RNF125: variants seen among roughly 807,000 people sequenced by gnomAD.
RNF125 encodes the protein ring finger protein 125.
A neutral mutation model predicts 26.0 loss-of-function variants in RNF125; 21 were observed. The ratio of observed to expected loss-of-function variants is 0.81; its 90% CI spans 0.57 to 1.16. RNF125 has a LOEUF of 1.16. RNF125 is among the 50% of genes most tolerant of loss of function. The probability of loss-of-function intolerance (pLI) is 0.00; values close to 1 mark genes in which losing one functional copy is unlikely to be tolerated. For missense variants in RNF125, 270 were observed against 299.4 expected, an observed-to-expected ratio of 0.90 and a Z score of 0.72; for synonymous variants, 95 against 109.2, an observed-to-expected ratio of 0.87 and a Z score of 0.81.
intron 1 of RNF125, among the ~76,000 whole-genome samples, chr18:32,035,453 T>C (rs2039143567): frequency 1.3e-5 from 2 of 152,128 alleles, no homozygotes; most frequent in Admixed American, 6.6e-5. Flanking sequence ...GTTTGGAAAA[T>C]AGCTGTGCCT....
At chr18:32,062,481 C>T (rs2039443929) in intron 4 of RNF125, among the ~76,000 whole-genome samples, 1 of 151,858 alleles carries the variant, frequency 6.6e-6, no homozygotes, top group Non-Finnish European at 1.5e-5. Context: ...TATAATTCAA[C>T]AATAATTAAT....
At position 32,070,612 on chromosome 18, in the gene RNF125, C is replaced by T. The variant is rs1349248804; in HGVS notation, c.*2228C>T. 6.6e-6 allele frequency: 1 copy of T among 152,170 alleles called. No individual in the cohort carries two copies. Among genetic ancestry groups the T allele is most frequent in the African/African-American group, 2.4e-5 (1 of 41,440 alleles). 9.4% of individuals were successfully genotyped at this position (152,170 alleles called of 1,614,324 possible). On this transcript the variant is annotated 3_prime_UTR_variant, in exon 6 of 6. Transcript: ENST00000217740. ...TCTTTTATTTATCTTACACTTACAG[C>T]TGTCTCAGAATAACAATAGAAATAC... is the stretch of plus-strand genomic sequence containing the variant.
chr18:32,022,356 T>C (rs1367816508), intron 1 of RNF125, among the ~76,000 whole-genome samples: 1 of 152,224 alleles, frequency 6.6e-6, no homozygotes, highest in South Asian at 2.1e-4. Flanking sequence ...CCTCTGCCAC[T>C]AGCCAGATGT....
At chr18:32,066,192 G>A (rs549098741) in intron 5 of RNF125, 183 bp downstream of exon 5, 20 of 410,720 alleles carry the variant, frequency 4.9e-5, no homozygotes, top group East Asian at 3.5e-4. Context: ...GCTCACGCCT[G>A]TAATCCCAAC....
At chr18:32,064,269 GC>G (rs1182312481) in intron 4 of RNF125, among the ~76,000 whole-genome samples, 1 of 152,042 alleles carries the variant, frequency 6.6e-6, no homozygotes, top group African/African-American at 2.4e-5. Flanking sequence ...ACAGGCATGA[GC>G]CACGGCGCCC....
chr18:32,082,713 T>C, the RNF125 span, among the ~76,000 whole-genome samples: 1 of 152,178 alleles, frequency 6.6e-6, no homozygotes, highest in Non-Finnish European at 1.5e-5. Context: ...ATTTCCCCTA[T>C]AATGAAAATG....
At chr18:32,066,458 C>CAA (rs34052446) in intron 5 of RNF125, among the ~76,000 whole-genome samples, 24 of 115,430 alleles carry the variant, frequency 2.1e-4, no homozygotes, top group African/African-American at 7.0e-4. Flanking sequence ...GACTTTGTCT[C>CAA]AAAAAAAAAA....
At chr18:32,049,458 T>C (rs1033018503) in intron 4 of RNF125, among the ~76,000 whole-genome samples, 1 of 152,134 alleles carries the variant, frequency 6.6e-6, no homozygotes, top group African/African-American at 2.4e-5. Context: ...ACTCCATTAA[T>C]AGAAGAGGGT....
intron 4 of RNF125, among the ~76,000 whole-genome samples, chr18:32,048,466 A>AAT (rs1448981459): frequency 6.6e-6 from 1 of 151,810 alleles, no homozygotes; most frequent in Non-Finnish European, 1.5e-5. Flanking sequence ...CTGTCTCAAA[A>AAT]AAAAAGAGAG....
chr18:32,046,881 TTAAGC>T (rs1320250445), intron 4 of RNF125, among the ~76,000 whole-genome samples: 1 of 152,084 alleles, frequency 6.6e-6, no homozygotes, highest in Non-Finnish European at 1.5e-5. Context: ...CATTGTTTAC[TTAAGC>T]TATTTTATTT....
intron 1 of RNF125, among the ~76,000 whole-genome samples, chr18:32,023,435 G>A (rs532780442): frequency 2.6e-5 from 4 of 152,258 alleles, no homozygotes; most frequent in Admixed American, 6.5e-5. Context: ...TTACAGGAGT[G>A]AGCCACTGCA....
chr18:32,060,746 AAAG>A (rs1187786205), intron 4 of RNF125, among the ~76,000 whole-genome samples: 2 of 152,192 alleles, frequency 1.3e-5, no homozygotes, highest in Non-Finnish European at 2.9e-5. Flanking sequence ...TTAAGAAACA[AAAG>A]AAGTTTTTCC....
At chr18:32,083,217 T>G in the RNF125 span, among the ~76,000 whole-genome samples, 749 of 152,352 alleles carry the variant, frequency 4.9e-3, 5 homozygotes, top group African/African-American at 0.017. Context: ...ATTTCTTATT[T>G]GGTCTAAGGT....
At chr18:32,087,955 C>T in the RNF125 span, among the ~76,000 whole-genome samples, 1 of 152,188 alleles carries the variant, frequency 6.6e-6, no homozygotes, top group East Asian at 1.9e-4. Context: ...CTTCCATCCA[C>T]AAGTTCCCCA....
At chr18:32,047,519 T>C (rs1405005563) in intron 4 of RNF125, among the ~76,000 whole-genome samples, 1 of 152,226 alleles carries the variant, frequency 6.6e-6, no homozygotes, top group Non-Finnish European at 1.5e-5. Context: ...TGAGTCAATT[T>C]ATATTTGTGT....
chr18:32,052,576 T>C (rs377728506), intron 4 of RNF125, among the ~76,000 whole-genome samples: 1 of 152,134 alleles, frequency 6.6e-6, no homozygotes, highest in South Asian at 2.1e-4. Flanking sequence ...TCAGTGCATG[T>C]TCCTTTTTTC....
At chr18:32,055,082 A>G (rs979445145) in intron 4 of RNF125, among the ~76,000 whole-genome samples, 2 of 151,904 alleles carry the variant, frequency 1.3e-5, no homozygotes, top group East Asian at 1.9e-4. Context: ...GAATTGTTTG[A>G]CCCCATGAGT....
At chr18:32,039,923 G>T (rs2039199091) in intron 2 of RNF125, among the ~76,000 whole-genome samples, 1 of 151,840 alleles carries the variant, frequency 6.6e-6, no homozygotes, top group Non-Finnish European at 1.5e-5. Flanking sequence ...GGGACTACAG[G>T]CATGCACCAC....
intron 4 of RNF125, among the ~76,000 whole-genome samples, chr18:32,052,546 A>C (rs892445719): frequency 3.3e-5 from 5 of 151,736 alleles, no homozygotes; most frequent in African/African-American, 1.2e-4. Context: ...TTTTAATTAC[A>C]TAGGTGCCTG....
Sources: allele counts gnomAD v4.1 joint callset (sites outside exome capture counted in the v4.1 genomes callset), GRCh38; gene constraint gnomAD v4.1.1; transcripts MANE v1.5; gene names NCBI Gene and HGNC (gene_info 2026-07-23, HGNC 2026-07-21).